CDH3: variants seen among roughly 807,000 people sequenced by gnomAD.
CDH3 encodes cadherin-3.
Under a neutral mutation model 82.0 loss-of-function variants are expected in CDH3, and 54 were observed. That is an observed-to-expected ratio of 0.66 (90% CI 0.53 to 0.83). The LOEUF is 0.83. CDH3 is among the 40% of genes least tolerant of loss of function. The pLI, the probability that CDH3 is intolerant of heterozygous loss-of-function variation, is 0.00. For synonymous variants in CDH3, 446 were observed against 437.9 expected (o/e 1.02, Z -0.23); for missense variants, 1,054 against 1,084.6 (o/e 0.97, Z 0.40).
chr16:68,700,060 G>A lies in CDH3; in HGVS notation c.*1660G>A, dbSNP rs912759411. On this transcript the variant is annotated 3_prime_UTR_variant, in exon 16 of 16. Coordinates refer to ENST00000264012, the MANE Select transcript of CDH3 (RefSeq NM_001793.6). ...TTTTAAATGACATCTGGTCATCATC[G>A]AAATCAAGCAAAACAAAATTAAGAG... is the stretch of plus-strand genomic sequence containing the variant. The A allele has an allele frequency of 4.6e-5, 7 of 151,956 alleles. No individual in the cohort carries two copies. The East Asian group carries it at 1.2e-3, about 25-fold the overall frequency. 9.4% of individuals were successfully genotyped at this position (151,956 alleles called of 1,614,324 possible).
chr16:68,660,785 C>T (rs1394216593), intron 2 of CDH3, among the ~76,000 whole-genome samples: 15 of 152,006 alleles, frequency 9.9e-5, no homozygotes, highest in Non-Finnish European at 1.6e-4. Context: ...AGTGAAACCC[C>T]GTCTCTACTA....
downstream of CDH3, among the ~76,000 whole-genome samples, chr16:68,729,693 G>A (rs956538803): frequency 2.2e-4 from 33 of 152,072 alleles, no homozygotes; most frequent in East Asian, 1.9e-4. Flanking sequence ...GTGCAGTGGC[G>A]TGATCTCGGC....
chr16:68,676,261 C>T (rs1402308072), intron 2 of CDH3, 124 bp from the exon 3 acceptor site: 3 of 730,566 alleles, frequency 4.1e-6, no homozygotes, highest in African/African-American at 1.7e-5. Context: ...TAAGCCAAGT[C>T]TCCCTTCTGC....
At chr16:68,650,531 T>C (rs902324888) in intron 2 of CDH3, among the ~76,000 whole-genome samples, 6 of 152,164 alleles carry the variant, frequency 3.9e-5, no homozygotes, top group Non-Finnish European at 8.8e-5. Context: ...GAACTCCCGA[T>C]CTCAGGTGAT....
At position 68,695,875 on chromosome 16, in the gene CDH3, C is replaced by T. The variant is rs779311289; in HGVS notation, c.2232C>T (p.Tyr744=). The T allele has an allele frequency of 1.9e-6, 3 of 1,614,026 alleles. No homozygotes were observed. The East Asian group carries it at 6.7e-5, about 36-fold the overall frequency. Residue 744 remains tyrosine, a synonymous_variant, in exon 15 of 16, where the codon TAC becomes TAT. Transcript: ENST00000264012. ...CAACCATCATCCCGACACCCATGTA[C>T]CGTCCTCGGCCAGCCAACCCAGATG... ...VAPTIIPTPM[Y]RPRPANPDEI...
At chr16:68,666,590 C>A (rs539977312) in intron 2 of CDH3, among the ~76,000 whole-genome samples, 87 of 152,190 alleles carry the variant, frequency 5.7e-4, no homozygotes, top group Non-Finnish European at 1.1e-3. Flanking sequence ...CACTGGCCAC[C>A]ATCTTGGTTT....
rs149011482 is a variant in CDH3, at chr16:68,691,866, C to T, written c.1942C>T (p.Pro648Ser). Residue 648 changes from proline (P) to serine (S), a missense_variant, in exon 13 of 16, where the codon CCT becomes TCT. By Grantham distance (74) the Pro-to-Ser change is moderately conservative. Transcript: ENST00000264012. ...CTGCCATGGCCATGTCGAAACCTGC[C>T]CTGGACCCTGGAAGGGAGGTTTCAT... is the stretch of plus-strand genomic sequence containing the variant. Reference protein sequence around the residue: ...CDCHGHVETCPGPWKGGFILP... With the variant: ...CDCHGHVETCSGPWKGGFILP... The T allele has an allele frequency of 1.4e-4, 228 of 1,614,100 alleles. 2 individuals are homozygous for T. In the African/African-American group the frequency reaches 2.6e-3, roughly 19 times the overall value.
chr16:68,663,380 G>A (rs779690607), intron 2 of CDH3, among the ~76,000 whole-genome samples: 3 of 151,562 alleles, frequency 2.0e-5, no homozygotes, highest in Non-Finnish European at 4.4e-5. Flanking sequence ...ACAGATGCCC[G>A]CCATGATGCC....
chr16:68,732,768 A>G, the CDH3 span, among the ~76,000 whole-genome samples: 1 of 152,240 alleles, frequency 6.6e-6, no homozygotes, highest in African/African-American at 2.4e-5. Flanking sequence ...ACCAGAGCCC[A>G]TCCACAGACA....
At chr16:68,656,583 C>T (rs1018593232) in intron 2 of CDH3, among the ~76,000 whole-genome samples, 2 of 152,166 alleles carry the variant, frequency 1.3e-5, no homozygotes, top group South Asian at 2.1e-4. Context: ...TAGGAAACCT[C>T]GGCTTGTCAC....
chr16:68,715,163 C>T (rs963195972), intron 1 of CDH3, among the ~76,000 whole-genome samples: 3 of 152,050 alleles, frequency 2.0e-5, no homozygotes, highest in East Asian at 1.9e-4. Context: ...CCATGACTCA[C>T]GCCTGTAATC....
intron 7 of CDH3, among the ~76,000 whole-genome samples, chr16:68,680,671 C>T (rs1961194722): frequency 6.6e-6 from 1 of 152,132 alleles, no homozygotes; most frequent in Non-Finnish European, 1.5e-5. Context: ...AGGGCAAGAT[C>T]CTGTCTCAAA....
intron 2 of CDH3, among the ~76,000 whole-genome samples, chr16:68,647,076 G>A (rs1960095140): frequency 6.6e-6 from 1 of 152,178 alleles, no homozygotes; most frequent in African/African-American, 2.4e-5. Context: ...GCTGAGGAGA[G>A]GCATTAAGAA....
In CDH3 at chr16:68,682,212, G is replaced by A. The variant is rs995559010; in HGVS notation, c.997-90G>A. 1.1e-5 allele frequency: 16 copies of A among 1,411,354 alleles called. No homozygotes were observed. In the Admixed American group the frequency reaches 2.7e-4, roughly 24 times the overall value. 87.4% of individuals were successfully genotyped at this position (1,411,354 alleles called of 1,614,324 possible). ...GTCCAGGAAAGGGTAAAGGCATGGGGATCCCCTGAGGTTGGATGGAGGCTT... is the reference window on the plus strand; with the variant it reads ...GTCCAGGAAAGGGTAAAGGCATGGGAATCCCCTGAGGTTGGATGGAGGCTT... On this transcript the variant is annotated intron_variant, in intron 8 of 15. Transcript: ENST00000264012.
At position 68,645,317 on chromosome 16, in the gene CDH3, C is replaced by A. The variant is rs1351920677; in HGVS notation, c.-63C>A. On this transcript the variant is annotated 5_prime_UTR_variant, in exon 1 of 16. Transcript: ENST00000264012. ...CCGGGGGCTGCGGTGCTCAAAGGGG[C>A]AAGAGCTGAGCGGAACACCGGCCCG... is the stretch of plus-strand genomic sequence containing the variant. 1.3e-6 allele frequency: 2 copies of A among 1,549,388 alleles called. No individual in the cohort carries two copies. The highest frequency in any genetic ancestry group is 4.6e-5 in the East Asian group (2 of 43,834).
rs1721634461 is a variant in CDH3, at chr16:68,707,828, G to A, written c.99+11905G>A. Among the ~76,000 whole-genome samples the A allele has an allele frequency of 1.3e-5, 2 of 152,070 alleles. No homozygotes were observed. The highest frequency in any genetic ancestry group is 2.1e-4 in the South Asian group (1 of 4,826). On this transcript the variant is annotated intron_variant, in intron 1 of 2. Transcript: ENST00000569080. The surrounding 1 kb of genome is among the most constrained non-coding windows in gnomAD (Gnocchi z 4.5). ...CCCTGTACCCACTGCCCAGCAAGCG[G>A]CAGGGGTGTGGCGGGCCGGGGAGGA...
intron 2 of CDH3, among the ~76,000 whole-genome samples, chr16:68,667,491 G>A (rs1960765963): frequency 6.6e-6 from 1 of 152,120 alleles, no homozygotes; most frequent in African/African-American, 2.4e-5. Context: ...GTTTTATTTT[G>A]CCAGAACATC....
downstream of CDH3, among the ~76,000 whole-genome samples, chr16:68,732,101 C>T (rs940293302): frequency 4.0e-5 from 6 of 151,396 alleles, no homozygotes; most frequent in African/African-American, 1.2e-4. Context: ...CAGTTAGCAC[C>T]GTTTCAACTG....
chr16:68,718,846 T>C (rs1962124992), intron 1 of CDH3, among the ~76,000 whole-genome samples: 1 of 152,204 alleles, frequency 6.6e-6, no homozygotes, highest in South Asian at 2.1e-4. Flanking sequence ...GCTTTATTTA[T>C]AATAGCCCCA....
Sources: gnomAD v4.1 joint callset for allele counts (sites outside exome capture counted in the v4.1 genomes callset) on GRCh38, gnomAD v4.1.1 for gene constraint, Gnocchi (gnomAD v3.1) non-coding constraint, MANE v1.5 for transcripts, NCBI Gene and HGNC (gene_info 2026-07-23, HGNC 2026-07-21) for gene names.